The following SLC35G2 variants were observed in gnomAD, a reference collection of about 807,000 sequenced individuals.
The protein encoded by SLC35G2 is transmembrane protein 22.
SLC35G2 carries 20 observed loss-of-function variants against 27.2 expected under a neutral mutation model. That is an observed-to-expected ratio of 0.74 (90% CI 0.52 to 1.07). The LOEUF is 1.07. SLC35G2 is among the 50% of genes least tolerant of loss of function. The pLI, the probability that SLC35G2 is intolerant of heterozygous loss-of-function variation, is 0.00. For missense variants in SLC35G2, 416 were observed against 493.3 expected (o/e 0.84, Z 1.48); for synonymous variants, 148 against 165.3 (o/e 0.90, Z 0.80).
intron 1 of SLC35G2, among the ~76,000 whole-genome samples, chr3:136,824,385 C>T (rs1266447359): frequency 6.6e-6 from 1 of 152,106 alleles, no homozygotes; most frequent in Non-Finnish European, 1.5e-5. Context: ...TTGGTGTCCT[C>T]TTAAATTTCT....
chr3:136,854,682 C>A lies in SLC35G2; in HGVS notation c.222C>A (p.Thr74=), dbSNP rs1293092414. The A allele has an allele frequency of 3.1e-6, 5 of 1,613,942 alleles. No individual in the cohort carries two copies. In the South Asian group the frequency reaches 5.5e-5, roughly 18 times the overall value. Residue 74 remains threonine (T), a synonymous_variant, in exon 2 of 2, where the codon ACC becomes ACA. Transcript: ENST00000446465. ...GAGCTTTCTTTGGAACCATGGATAC[C>A]CTACCTCCACCAACAGAAGACCCAA... The part of the protein sequence containing the change: ...KGRAFFGTMD[T]LPPPTEDPMI...
intron 1 of SLC35G2, among the ~76,000 whole-genome samples, chr3:136,848,406 C>T (rs937279189): frequency 1.3e-5 from 2 of 151,682 alleles, no homozygotes; most frequent in Non-Finnish European, 2.9e-5. Context: ...ATCACTTGAG[C>T]CCAGGAGTTT....
Position 136,854,805 on chromosome 3 carries a change from T to C in SLC35G2, c.345T>C (p.His115=). The change falls in exon 2 of 2, where the codon CAT becomes CAC. Residue 115 remains histidine (H), a synonymous_variant. Coordinates refer to ENST00000446465, the MANE Select transcript of SLC35G2 (RefSeq NM_025246.3). The stretch of plus-strand genomic sequence containing the variant: ...TGCTGTTTGGATCTGCTTTGGCTCA[T>C]GGATGTGTAGCTCTTATCACTAGGC... The part of the protein sequence containing the change: ...WIVLFGSALA[H]GCVALITRLV... The C allele has an allele frequency of 6.2e-7, 1 of 1,614,220 alleles. No homozygotes were observed. The highest frequency in any genetic ancestry group is 8.5e-7 in the Non-Finnish European group (1 of 1,180,024).
chr3:136,838,246 C>CATATATATATATATATATAT (rs6148084), intron 1 of SLC35G2: 31 of 141,016 alleles, frequency 2.2e-4, no homozygotes, highest in African/African-American at 8.0e-4. Flanking sequence ...GTAGCATATA[C>CATATATATATATATATATAT]ATATATATAT....
chr3:136,852,711 T>A (rs1291033953), intron 1 of SLC35G2, among the ~76,000 whole-genome samples: 1 of 152,060 alleles, frequency 6.6e-6, no homozygotes, highest in Admixed American at 6.6e-5. Context: ...CAGGCAGGTC[T>A]CGAACTCCTG....
At chr3:136,822,585 G>A (rs1936482879) in intron 1 of SLC35G2, among the ~76,000 whole-genome samples, 1 of 152,220 alleles carries the variant, frequency 6.6e-6, no homozygotes. Context: ...AAAGTGCTGG[G>A]ATTACAGGCG....
intron 1 of SLC35G2, among the ~76,000 whole-genome samples, chr3:136,825,237 A>G (rs550754882): frequency 1.5e-3 from 200 of 130,824 alleles, no homozygotes; most frequent in African/African-American, 5.3e-3. Flanking sequence ...TCTATCGTAT[A>G]TAACTTTTTT....
intron 1 of SLC35G2, among the ~76,000 whole-genome samples, chr3:136,820,715 C>T (rs1348412890): frequency 6.6e-6 from 1 of 152,152 alleles, no homozygotes; most frequent in East Asian, 1.9e-4. Flanking sequence ...CTTTTGTAAT[C>T]CATCTTTATT....
rs1198488206 is a variant in SLC35G2, at chr3:136,855,295, A to G, written c.835A>G (p.Lys279Glu). The change falls in exon 2 of 2, where the codon AAG (lysine) becomes GAG (glutamate). Residue 279 changes from lysine to glutamate, a missense_variant. Physicochemically the swap from Lys to Glu is moderately conservative, Grantham distance 56. Coordinates refer to ENST00000446465, the MANE Select transcript of SLC35G2 (RefSeq NM_025246.3). ...CTCAATGATAGTATACAGATCCATC[A>G]AGGAGAAGATCAGCATGTGGACTGC... ...ALSMIVYRSI[K>E]EKISMWTALF... 1.2e-6 allele frequency: 2 copies of G among 1,614,214 alleles called. No homozygotes were observed. The highest frequency in any genetic ancestry group is 4.5e-5 in the East Asian group (2 of 44,882).
intron 1 of SLC35G2, among the ~76,000 whole-genome samples, chr3:136,830,871 A>G (rs1936713990): frequency 6.6e-6 from 1 of 152,186 alleles, no homozygotes; most frequent in Non-Finnish European, 1.5e-5. Context: ...GCATTTTTCA[A>G]CTTAACACTA....
intron 1 of SLC35G2, among the ~76,000 whole-genome samples, chr3:136,836,549 A>G (rs1384135438): frequency 6.6e-6 from 1 of 152,218 alleles, no homozygotes; most frequent in Non-Finnish European, 1.5e-5. Context: ...TTGATTTGTG[A>G]AACAGCTTCT....
intron 1 of SLC35G2, among the ~76,000 whole-genome samples, chr3:136,852,811 C>T (rs1937733502): frequency 6.6e-6 from 1 of 150,594 alleles, no homozygotes; most frequent in Non-Finnish European, 1.5e-5. Context: ...GTTTTTTAAG[C>T]GGGAGGAGAG....
chr3:136,854,825 CTAGG>C lies in SLC35G2; in HGVS notation c.366_369del (p.Arg123LeufsTer11). The C allele has an allele frequency of 6.2e-7, 1 of 1,614,142 alleles. No homozygotes were observed. The highest frequency in any genetic ancestry group is 8.5e-7 in the Non-Finnish European group (1 of 1,180,024). ...GCTCATGGATGTGTAGCTCTTATCA[CTAGG>C]CTTGTTTCTGATCGGTCTAAAGTTC... On this transcript the variant is annotated frameshift_variant, in exon 2 of 2. Transcript: ENST00000446465. LOFTEE classifies it high-confidence loss of function.
chr3:136,827,213 G>A (rs1323376981), intron 1 of SLC35G2, among the ~76,000 whole-genome samples: 1 of 143,618 alleles, frequency 7.0e-6, no homozygotes. Flanking sequence ...CTTCTACTAA[G>A]TTTTTTTTTT....
chr3:136,833,038 C>T (rs1243883605), intron 1 of SLC35G2, among the ~76,000 whole-genome samples: 16 of 145,250 alleles, frequency 1.1e-4, no homozygotes, highest in Non-Finnish European at 1.5e-5. Context: ...CACTGCACTC[C>T]AGCCTGGGTG....
At chr3:136,827,481 T>G (rs1936615736) in intron 1 of SLC35G2, among the ~76,000 whole-genome samples, 1 of 152,246 alleles carries the variant, frequency 6.6e-6, no homozygotes, top group Admixed American at 6.5e-5. Flanking sequence ...CTCAAATTGC[T>G]GGCCTCTTCT....
chr3:136,820,719 C>T (rs1164338689), intron 1 of SLC35G2, among the ~76,000 whole-genome samples: 1 of 152,174 alleles, frequency 6.6e-6, no homozygotes, highest in African/African-American at 2.4e-5. Flanking sequence ...TGTAATCCAT[C>T]TTTATTTTTT....
At chr3:136,830,656 C>T (rs997745398) in intron 1 of SLC35G2, among the ~76,000 whole-genome samples, 6 of 151,874 alleles carry the variant, frequency 4.0e-5, no homozygotes, top group Non-Finnish European at 7.4e-5. Context: ...CCTGGTGATC[C>T]GCCCACCTCA....
At chr3:136,841,436 T>C (rs112256527) in intron 1 of SLC35G2, among the ~76,000 whole-genome samples, 1 of 152,062 alleles carries the variant, frequency 6.6e-6, no homozygotes, top group Non-Finnish European at 1.5e-5. Flanking sequence ...TGAATATAAA[T>C]ATCAGAGTCC....
Sources: gnomAD v4.1 joint callset for allele counts (sites outside exome capture counted in the v4.1 genomes callset) on GRCh38, gnomAD v4.1.1 for gene constraint, MANE v1.5 for transcripts, NCBI Gene and HGNC (gene_info 2026-07-23, HGNC 2026-07-21) for gene names.